The following DYNC2H1 variants were observed in gnomAD, a reference collection of about 807,000 sequenced individuals.
The protein encoded by DYNC2H1 is cytoplasmic dynein 2 heavy chain 1.
In DYNC2H1, 410 loss-of-function variants were observed where a neutral mutation model predicts 570.0. The ratio of observed to expected loss-of-function variants is 0.72; its 90% CI spans 0.66 to 0.78. The LOEUF (loss-of-function observed/expected upper bound fraction) is 0.78. Ranked by LOEUF, DYNC2H1 falls within the 30% of genes least tolerant of loss-of-function variation. DYNC2H1 has a pLI of 0.00. For missense variants in DYNC2H1, 4,865 were observed against 5,046.4 expected, an observed-to-expected ratio of 0.96 and a Z score of 1.09; for synonymous variants, 1,688 against 1,677.6, an observed-to-expected ratio of 1.01 and a Z score of -0.15.
chr11:103,432,996 GT>G (rs1238110746), intron 84 of DYNC2H1, among the ~76,000 whole-genome samples: 1 of 152,018 alleles, frequency 6.6e-6, no homozygotes, highest in Non-Finnish European at 1.5e-5. Context: ...TGATTGAATT[GT>G]TTTTTCCCTC....
At chr11:103,141,961 A>C (rs1859964588) in intron 17 of DYNC2H1, among the ~76,000 whole-genome samples, 1 of 152,140 alleles carries the variant, frequency 6.6e-6, no homozygotes, top group Non-Finnish European at 1.5e-5. Context: ...TTGATCTCAG[A>C]CTGCTGTGCT....
intron 22 of DYNC2H1, 40 bp from the exon 23 acceptor site, chr11:103,154,409 TTC>T (rs1193456047): frequency 6.8e-7 from 1 of 1,479,836 alleles, no homozygotes; most frequent in Non-Finnish European, 9.0e-7. Context: ...GTATCAATAT[TTC>T]TGTTTTTAAA....
chr11:103,309,269 G>C (rs1183355217), intron 78 of DYNC2H1, among the ~76,000 whole-genome samples: 3 of 144,418 alleles, frequency 2.1e-5, no homozygotes, highest in Admixed American at 7.2e-5. Flanking sequence ...CGACCTGCTG[G>C]GCTCAAGCAA....
intron 82 of DYNC2H1, among the ~76,000 whole-genome samples, chr11:103,330,326 A>T (rs184422898): frequency 3.3e-5 from 5 of 152,230 alleles, no homozygotes; most frequent in Admixed American, 1.3e-4. Flanking sequence ...AATTTGTGCA[A>T]TCAAGACAGT....
intron 83 of DYNC2H1, among the ~76,000 whole-genome samples, chr11:103,390,209 A>G (rs531292938): frequency 6.6e-6 from 1 of 152,260 alleles, no homozygotes; most frequent in East Asian, 1.9e-4. Flanking sequence ...TATTTAGGAT[A>G]GTTAGCTCTT....
At chr11:103,124,593 T>A (rs1858892127) in intron 11 of DYNC2H1, among the ~76,000 whole-genome samples, 1 of 152,130 alleles carries the variant, frequency 6.6e-6, no homozygotes, top group Non-Finnish European at 1.5e-5. Flanking sequence ...TTTGCTATTA[T>A]AGCCTTTACA....
intron 84 of DYNC2H1, chr11:103,406,223 A>T (rs897615384): frequency 6.6e-6 from 1 of 151,902 alleles, no homozygotes; most frequent in African/African-American, 2.4e-5. Flanking sequence ...CTAAGTTATG[A>T]TTAGTATTAT....
chr11:103,148,707 A>G, intron 20 of DYNC2H1, 90 bp downstream of exon 20: 4 of 1,429,584 alleles, frequency 2.8e-6, no homozygotes, highest in Non-Finnish European at 3.7e-6. Context: ...ATTTACAAAT[A>G]TATAATCTCA....
chr11:103,456,090 AGACT>A (rs2135808252), intron 86 of DYNC2H1, among the ~76,000 whole-genome samples, 181 bp from the exon 87 acceptor site: 1 of 152,306 alleles, frequency 6.6e-6, no homozygotes, highest in East Asian at 1.9e-4. Context: ...ATCAAAGAGG[AGACT>A]GACAGTTAGC....
intron 53 of DYNC2H1, 34 bp from the exon 54 acceptor site, chr11:103,211,755 T>G: frequency 1.2e-5 from 11 of 925,414 alleles, no homozygotes; most frequent in Non-Finnish European, 1.7e-5. Flanking sequence ...ATCATACATA[T>G]AATAAGTTAT....
Position 103,205,550 on chromosome 11 carries a change from G to A in DYNC2H1, c.8454+586G>A, listed in dbSNP as rs1419692161. Among the ~76,000 whole-genome samples, 8 of 152,148 alleles carry A rather than the reference G, an allele frequency of 5.3e-5. No homozygotes were observed. The South Asian group carries it at 6.2e-4, about 12-fold the overall frequency. On this transcript the variant is annotated intron_variant, in intron 52 of 88. Coordinates refer to ENST00000375735, the MANE Select transcript of DYNC2H1 (RefSeq NM_001377.3). This position sits in a 1 kb window ranked among gnomAD's most constrained non-coding sequence, Gnocchi z 4.5. ...GAGATAAAAGACATGGTTTACAGAT[G>A]AGGTAATATTTTAGTTACTGAAAGA...
At chr11:103,393,491 GCTTTAAAATTATTTA>G (rs1942260739) in intron 83 of DYNC2H1, among the ~76,000 whole-genome samples, 1 of 151,984 alleles carries the variant, frequency 6.6e-6, no homozygotes, top group South Asian at 2.1e-4. Flanking sequence ...AAAATTATTT[GCTTTAAAATTATTTA>G]CTCATTTCAT....
rs142145060 is a variant in DYNC2H1 at position 103,416,548 on chromosome 11, C to T, written c.12366+16676C>T. 1.6e-4 allele frequency among the ~76,000 whole-genome samples: 24 copies of T among 152,230 alleles called. No individual in the cohort carries two copies. In the East Asian group the frequency reaches 3.7e-3, roughly 23 times the overall value. ...GATGTTTGACAAACCTGACAAAAGACGAGCAATGGGGAAAGGATTTCCTTT... is the reference window on the plus strand; with the variant it reads ...GATGTTTGACAAACCTGACAAAAGATGAGCAATGGGGAAAGGATTTCCTTT... On this transcript the variant is annotated intron_variant, in intron 84 of 88. Transcript: ENST00000375735.
In DYNC2H1 at chr11:103,307,797, T is replaced by C; in HGVS notation, c.11459T>C (p.Ile3820Thr). 6.2e-7 allele frequency: 1 copy of C among 1,603,412 alleles called. No homozygotes were observed. The highest frequency in any genetic ancestry group is 8.5e-7 in the Non-Finnish European group (1 of 1,174,010). ...GAAGTTCATCCCAACTTTACTCCTA[T>C]TTTACTACAGTCAAGTCTGAAGATA... is the stretch of plus-strand genomic sequence containing the variant. The part of the protein sequence containing the change: ...TAEVHPNFTP[I>T]LLQSSLKITY... Residue 3820 changes from isoleucine to threonine, a missense_variant, in exon 78 of 89, where the codon ATT becomes ACT. Around this residue, in one of 5 missense-constraint regions of DYNC2H1, gnomAD observed 2,401 missense variants for 2,454.6 expected, o/e 0.98. Coordinates refer to ENST00000375735, the MANE Select transcript of DYNC2H1 (RefSeq NM_001377.3).
rs567853092 is a variant in DYNC2H1, at chr11:103,285,226, G to A, written c.10891-1029G>A. On this transcript the variant is annotated intron_variant, in intron 73 of 88. Coordinates refer to ENST00000375735, the MANE Select transcript of DYNC2H1 (RefSeq NM_001377.3). ...TGGGCTCAATTCTGAATATAGCATG[G>A]ACAAGTGGGAATTTGTACCCAAGAA... 1.1e-4 allele frequency among the ~76,000 whole-genome samples: 17 copies of A among 152,228 alleles called. No homozygotes were observed. In the South Asian group the frequency reaches 3.1e-3, roughly 28 times the overall value.
chr11:103,347,879 G>A (rs894213387), intron 82 of DYNC2H1, among the ~76,000 whole-genome samples: 13 of 152,042 alleles, frequency 8.6e-5, no homozygotes, highest in African/African-American at 3.1e-4. Context: ...ACCAACCCCA[G>A]TTTCTGGATA....
intron 85 of DYNC2H1, among the ~76,000 whole-genome samples, chr11:103,454,638 T>G (rs185893265): frequency 6.6e-6 from 1 of 152,310 alleles, no homozygotes; most frequent in East Asian, 1.9e-4. Context: ...CTGTTCCAAA[T>G]GGCAATTTTT....
intron 79 of DYNC2H1, among the ~76,000 whole-genome samples, chr11:103,314,798 T>C (rs747806967): frequency 6.6e-6 from 1 of 151,892 alleles, no homozygotes; most frequent in Non-Finnish European, 1.5e-5. Flanking sequence ...ATTAGAGACA[T>C]GTCATAGGTA....
intron 70 of DYNC2H1, among the ~76,000 whole-genome samples, chr11:103,271,665 G>C (rs1427360155): frequency 3.9e-5 from 6 of 152,076 alleles, no homozygotes; most frequent in African/African-American, 1.4e-4. Flanking sequence ...TTATTTTACT[G>C]ATCACCTTTT....
Sources: allele counts gnomAD v4.1 joint callset (sites outside exome capture counted in the v4.1 genomes callset), GRCh38; gene constraint gnomAD v4.1.1; regional missense constraint gnomAD v4.1.1; non-coding constraint Gnocchi (gnomAD v3.1); transcripts MANE v1.5; gene names NCBI Gene and HGNC (gene_info 2026-07-23, HGNC 2026-07-21).